The following REXO1 variants were observed in gnomAD, a reference collection of about 807,000 sequenced individuals.
The protein encoded by REXO1 is REX1, RNA exonuclease 1 homolog.
In REXO1, 42 loss-of-function variants were observed where a neutral mutation model predicts 102.6. That is an observed-to-expected ratio of 0.41 (90% CI 0.32 to 0.53). The LOEUF (loss-of-function observed/expected upper bound fraction) is 0.53. Ranked by LOEUF, REXO1 falls within the 20% of genes least tolerant of loss-of-function variation. The pLI is 0.27. For missense variants in REXO1, 1,819 were observed against 1,732.5 expected (o/e 1.05, Z -0.89); for synonymous variants, 908 against 779.1 (o/e 1.17, Z -2.76).
chr19:1,823,601 G>A lies in REXO1; in HGVS notation c.2201C>T (p.Ala734Val), dbSNP rs2069615909. 7 of 1,323,056 alleles carry A rather than the reference G, an allele frequency of 5.3e-6. No homozygotes were observed. The South Asian group carries it at 1.4e-4, about 27-fold the overall frequency. The allele number at this position is 1,323,056 out of a possible 1,614,324, so 82.0% of individuals were successfully genotyped here. ...AGCCAGGCGGGGGTTGGGGATGTGG[G>A]CGATCCTCCTCTTCTCGCCAGGGGC... ...ISAPGEKRRI[A>V]HIPNPRLAAA... Residue 734 changes from alanine (A) to valine (V), a missense_variant, in exon 4 of 16, where the codon GCC becomes GTC. Transcript: ENST00000170168.
chr19:1,817,235 G>T lies in REXO1; in HGVS notation c.3185C>A (p.Ala1062Asp). The T allele has an allele frequency of 6.2e-7, 1 of 1,612,858 alleles. No individual in the cohort carries two copies. ...CAGCCTCACCATCTCGCAGTCCAGG[G>T]CGTAGATCCCCGGGTGGGTGTCTCC... ...LSGDTHPGIY[A>D]LDCEMSYTTY... Residue 1062 changes from alanine to aspartate, a missense_variant, in exon 12 of 16, where the codon GCC becomes GAC. By Grantham distance (126) the Ala-to-Asp change is moderately radical. Coordinates refer to ENST00000170168, the MANE Select transcript of REXO1 (RefSeq NM_020695.4).
rs769571188 is a variant in REXO1, at chr19:1,817,400, T to A, written c.3091-71A>T. 7 of 1,588,206 alleles carry A rather than the reference T, an allele frequency of 4.4e-6. No homozygotes were observed. The East Asian group carries it at 1.4e-4, about 31-fold the overall frequency. On this transcript the variant is annotated intron_variant, in intron 11 of 15. Coordinates refer to ENST00000170168, the MANE Select transcript of REXO1 (RefSeq NM_020695.4). ...GGGCGGGGGTGGCAGCAGCAGCACA[T>A]CTCTGAGCCCTTCGGGACCATCCTA... is the stretch of plus-strand genomic sequence containing the variant.
rs1241358660 is a variant in REXO1, at chr19:1,848,348, G to A, written c.11C>T (p.Ser4Phe). Residue 4 changes from serine to phenylalanine, a missense_variant, in exon 1 of 16, where the codon TCC (serine) becomes TTC (phenylalanine). Transcript: ENST00000170168. ...GTCAATGGCCCGGAAGAAGCCAGTG[G>A]AGCGTAGCATGGTCCGTCCCGCGGC... Reference protein sequence around the residue: MLRSTGFFRAIDCP... With the variant: MLRFTGFFRAIDCP... 2.5e-6 allele frequency: 3 copies of A among 1,221,836 alleles called. No individual in the cohort carries two copies. In the African/African-American group the frequency reaches 4.7e-5, roughly 19 times the overall value. 75.7% of individuals were successfully genotyped at this position (1,221,836 alleles called of 1,614,324 possible). A position where few individuals can be genotyped will look rare whatever the true frequency, so the allele number is the denominator to read the frequency against.
Position 1,826,016 on chromosome 19 carries a change from G to GC in REXO1, c.1912-74dup. ...CACCAACACACCCCAACCTCAAACT[G>GC]CCCCCGGCAAGTGGGGAATGGAACA... is the stretch of plus-strand genomic sequence containing the variant. On this transcript the variant is annotated intron_variant, in intron 2 of 15. Transcript: ENST00000170168. This position sits in a 1 kb window ranked among gnomAD's most constrained non-coding sequence, Gnocchi z 4.3. 1 of 1,098,022 alleles carries GC rather than the reference G, an allele frequency of 9.1e-7. No individual in the cohort carries two copies. The highest frequency in any genetic ancestry group is 1.4e-6 in the Non-Finnish European group (1 of 718,888). 68.0% of individuals were successfully genotyped at this position (1,098,022 alleles called of 1,614,324 possible). A position where few individuals can be genotyped will look rare whatever the true frequency, so the allele number is the denominator to read the frequency against.
chr19:1,816,334 G>C lies in REXO1; in HGVS notation c.3468C>G (p.Ser1156Arg), dbSNP rs1369859619. 1 of 1,591,498 alleles carries C rather than the reference G, an allele frequency of 6.3e-7. No homozygotes were observed. Among genetic ancestry groups the C allele is most frequent in the African/African-American group, 1.3e-5 (1 of 74,466 alleles). The stretch of plus-strand genomic sequence containing the variant: ...AGAGCACAGACGTGTCCACCACGGT[G>C]CTGTGGATGACCTGTGGGCAGCGGC... ...SDLLALKVIH[S>R]TVVDTSVLFP... The change falls in exon 15 of 16, where the codon AGC becomes AGG. Residue 1156 changes from serine to arginine, a missense_variant. Coordinates refer to ENST00000170168, the MANE Select transcript of REXO1 (RefSeq NM_020695.4).
chr19:1,834,486 C>T (rs1300713001), intron 1 of REXO1, among the ~76,000 whole-genome samples: 1 of 152,178 alleles, frequency 6.6e-6, no homozygotes, highest in Non-Finnish European at 1.5e-5. Flanking sequence ...ACCATGATGG[C>T]TCGCTGAAGC....
Position 1,825,838 on chromosome 19 carries a change from C to T in REXO1, c.2016+1G>A. Reference sequence around the variant, plus strand: ...GCTGGCCTGGCCTCTGCGGACCTTACCTCCTGGCCTTGCTTGGAAAGGTGG... The same window carrying T: ...GCTGGCCTGGCCTCTGCGGACCTTATCTCCTGGCCTTGCTTGGAAAGGTGG... On this transcript the variant is annotated splice_donor_variant, in intron 3 of 15. Coordinates refer to ENST00000170168, the MANE Select transcript of REXO1 (RefSeq NM_020695.4). LOFTEE classifies it high-confidence loss of function. 1.3e-6 allele frequency: 2 copies of T among 1,592,998 alleles called. No individual in the cohort carries two copies. Among genetic ancestry groups the T allele is most frequent in the South Asian group, 1.1e-5 (1 of 90,684 alleles).
rs2069546661 is a variant in REXO1, at chr19:1,821,695, A to G, written c.2231-13T>C. 6.2e-7 allele frequency: 1 copy of G among 1,605,702 alleles called. No individual in the cohort carries two copies. Among genetic ancestry groups the G allele is most frequent in the African/African-American group, 1.3e-5 (1 of 74,934 alleles). On this transcript the variant is annotated splice_polypyrimidine_tract_variant and intron_variant, in intron 4 of 15. Transcript: ENST00000170168. The stretch of plus-strand genomic sequence containing the variant: ...GCACCTGTGGGGGCTGGCGGGGCAC[A>G]GGGGGTGTGGGCACAGGGCGAGTGG...
chr19:1,815,811 G>T lies in REXO1; in HGVS notation c.*255C>A. 6.7e-7 allele frequency: 1 copy of T among 1,499,268 alleles called. No individual in the cohort carries two copies. Among genetic ancestry groups the T allele is most frequent in the Non-Finnish European group, 8.9e-7 (1 of 1,125,896 alleles). The allele number at this position is 1,499,268 out of a possible 1,614,324, so 92.9% of individuals were successfully genotyped here. ...GCCGGGTGGGGGCGGGCTCTGTCCT[G>T]GTCTCCATCAGCAGCAGTTTCTAGA... is the stretch of plus-strand genomic sequence containing the variant. On this transcript the variant is annotated 3_prime_UTR_variant, in exon 16 of 16. Transcript: ENST00000170168. This position sits in a 1 kb window ranked among gnomAD's most constrained non-coding sequence, Gnocchi z 4.0.
chr19:1,842,790 C>T (rs977237831), intron 1 of REXO1, among the ~76,000 whole-genome samples: 3 of 151,992 alleles, frequency 2.0e-5, no homozygotes, highest in Non-Finnish European at 4.4e-5. Context: ...CCACACTTCT[C>T]CTCTGGCTCT....
chr19:1,840,343 C>G (rs1194575684), intron 1 of REXO1, among the ~76,000 whole-genome samples: 12 of 152,184 alleles, frequency 7.9e-5, no homozygotes, highest in African/African-American at 2.9e-4. Context: ...ACTCTCCAGA[C>G]ATGAGTCTCT....
At chr19:1,820,421 G>A in intron 5 of REXO1, 26 bp from the exon 6 acceptor site, 1 of 1,610,872 alleles carries the variant, frequency 6.2e-7, no homozygotes, top group Non-Finnish European at 8.5e-7. Flanking sequence ...AAGCTGCCAT[G>A]GGTGAGGGCC....
At chr19:1,845,754 T>A (rs551026557) in intron 1 of REXO1, among the ~76,000 whole-genome samples, 2 of 152,182 alleles carry the variant, frequency 1.3e-5, no homozygotes, top group South Asian at 4.2e-4. Flanking sequence ...CTGCTCAAGG[T>A]CGCCAATGAC....
chr19:1,823,775 G>A lies in REXO1; in HGVS notation c.2027C>T (p.Pro676Leu), dbSNP rs767416996. The change falls in exon 4 of 16, where the codon CCG (proline) becomes CTG (leucine). Residue 676 changes from proline (P) to leucine (L), a missense_variant. Physicochemically the swap from Pro to Leu is moderately conservative, Grantham distance 98 (BLOSUM62 -3). Coordinates refer to ENST00000170168, the MANE Select transcript of REXO1 (RefSeq NM_020695.4). Reference sequence around the variant, plus strand: ...CGGGGGCACCGCGGGACCCCTCCTCGGGGGCTCCACCTGCGTCACCACAAA... The same window carrying A: ...CGGGGGCACCGCGGGACCCCTCCTCAGGGGCTCCACCTGCGTCACCACAAA... ...LSKQGQEVEP[P>L]RRGPAVPPAR... is the part of the protein sequence containing the mutation. The A allele has an allele frequency of 1.3e-5, 16 of 1,243,642 alleles. No individual in the cohort carries two copies. The East Asian group carries it at 2.4e-4, about 19-fold the overall frequency. 77.0% of individuals were successfully genotyped at this position (1,243,642 alleles called of 1,614,324 possible). A position where few individuals can be genotyped will look rare whatever the true frequency, so the allele number is the denominator to read the frequency against.
Position 1,817,788 on chromosome 19 carries a change from G to A in REXO1, c.3017-8C>T. 2 of 1,610,870 alleles carry A rather than the reference G, an allele frequency of 1.2e-6. No homozygotes were observed. Among genetic ancestry groups the A allele is most frequent in the Non-Finnish European group, 1.7e-6 (2 of 1,178,934 alleles). On this transcript the variant is annotated splice_polypyrimidine_tract_variant and splice_region_variant and intron_variant, in intron 10 of 15. Transcript: ENST00000170168. ...TCTCCCAGCCTCCGGCCACTGCAGG[G>A]GACACAGACACACAGTCAGGGCCCG...
Position 1,828,165 on chromosome 19 carries a change from C to G in REXO1, c.624G>C (p.Gln208His), listed in dbSNP as rs1321516275. Residue 208 changes from glutamine (Q) to histidine (H), a missense_variant, in exon 2 of 16, where the codon CAG (glutamine) becomes CAC (histidine). Physicochemically the swap from Gln to His is conservative, Grantham distance 24. Transcript: ENST00000170168. Reference protein sequence around the residue: ...ALEYVPKAVSQPRRHSRPVPS... With the variant: ...ALEYVPKAVSHPRRHSRPVPS... ...GAACGGGGCGGCTGTGCCGCCGGGG[C>G]TGGCTCACAGCCTTGGGGACGTATT... The G allele has an allele frequency of 1.2e-6, 2 of 1,610,132 alleles. No individual in the cohort carries two copies.
chr19:1,846,017 C>T (rs756472249), intron 1 of REXO1, among the ~76,000 whole-genome samples: 1 of 152,222 alleles, frequency 6.6e-6, no homozygotes, highest in East Asian at 1.9e-4. Flanking sequence ...GTGTCCAGCA[C>T]AGAGCATGGC....
At chr19:1,825,692 T>A in intron 3 of REXO1, 147 bp downstream of exon 3, 1 of 596,246 alleles carries the variant, frequency 1.7e-6, no homozygotes. Flanking sequence ...GCCAGGCTGG[T>A]CTCGAACTCC....
Position 1,817,805 on chromosome 19 carries a change from C to A in REXO1, c.3017-25G>T, listed in dbSNP as rs778961500. The A allele has an allele frequency of 3.7e-5, 59 of 1,602,134 alleles. No homozygotes were observed. The South Asian group carries it at 6.2e-4, about 17-fold the overall frequency. On this transcript the variant is annotated intron_variant, in intron 10 of 15. Transcript: ENST00000170168. ...ACTGCAGGGGACACAGACACACAGT[C>A]AGGGCCCGGCCAGGCCCACTCCACA...
Sources: allele counts gnomAD v4.1 joint callset (sites outside exome capture counted in the v4.1 genomes callset), GRCh38; gene constraint gnomAD v4.1.1; non-coding constraint Gnocchi (gnomAD v3.1); transcripts MANE v1.5; gene names NCBI Gene and HGNC (gene_info 2026-07-23, HGNC 2026-07-21).